The following RNF214 variants were observed in gnomAD, a reference collection of about 807,000 sequenced individuals.
RNF214 encodes ring finger protein 214.
Under a neutral mutation model 75.9 loss-of-function variants are expected in RNF214, and 25 were observed. The ratio of observed to expected loss-of-function variants is 0.33; its 90% confidence interval spans 0.24 to 0.46. The LOEUF (loss-of-function observed/expected upper bound fraction) is 0.46. RNF214 is among the 20% of genes least tolerant of loss of function. RNF214 has a pLI of 1.00. For missense variants in RNF214, 725 were observed against 857.5 expected (o/e 0.85, Z 1.93); for synonymous variants, 314 against 308.8 (o/e 1.02, Z -0.18).
chr11:117,271,139 A>G (rs1002128146), intron 6 of RNF214, among the ~76,000 whole-genome samples: 26 of 151,424 alleles, frequency 1.7e-4, no homozygotes, highest in African/African-American at 5.6e-4. Flanking sequence ...TGTTCAAGTG[A>G]TCCGCCTGCC....
chr11:117,284,966 T>C, intron 14 of RNF214, 120 bp from the exon 15 acceptor site: 1 of 693,646 alleles, frequency 1.4e-6, no homozygotes, highest in Non-Finnish European at 2.5e-6. Flanking sequence ...AAAAAGCCCC[T>C]CTTGTACCTC....
At chr11:117,249,947 G>T (rs1317363552) in intron 6 of RNF214, among the ~76,000 whole-genome samples, 2 of 152,136 alleles carry the variant, frequency 1.3e-5, no homozygotes, top group African/African-American at 2.4e-5. Flanking sequence ...CATAACAATT[G>T]TATTTCCTGT....
At position 117,282,541 on chromosome 11, in the gene RNF214, G is replaced by A. The variant is rs566566571; in HGVS notation, c.1845+5G>A. 1.2e-6 allele frequency: 2 copies of A among 1,613,676 alleles called. No homozygotes were observed. The highest frequency in any genetic ancestry group is 1.3e-5 in the African/African-American group (1 of 75,052). On this transcript the variant is annotated splice_donor_5th_base_variant and intron_variant, in intron 12 of 14. Transcript: ENST00000300650. Reference sequence around the variant, plus strand: ...CGGGTGGCAGCAAGTACTCAGGTGAGAAAAGCCACTTGGGAGAGAACTTAG... The same window carrying A: ...CGGGTGGCAGCAAGTACTCAGGTGAAAAAAGCCACTTGGGAGAGAACTTAG...
chr11:117,279,933 A>G lies in RNF214; in HGVS notation c.985A>G (p.Arg329Gly). ...AGAGGTGTGGGAAATGGAACTGGATAGACTCAAGAATCAGGATGGCGAAAT... is the reference window on the plus strand; with the variant it reads ...AGAGGTGTGGGAAATGGAACTGGATGGACTCAAGAATCAGGATGGCGAAAT... ...RREVWEMELD[R>G]LKNQDGEINR... The change falls in exon 7 of 15, where the codon AGA (arginine) becomes GGA (glycine). Residue 329 changes from arginine to glycine, a missense_variant. Arg to Gly is a moderately radical substitution (Grantham distance 125). Coordinates refer to ENST00000300650, the MANE Select transcript of RNF214 (RefSeq NM_207343.4). 1 of 1,613,052 alleles carries G rather than the reference A, an allele frequency of 6.2e-7. No homozygotes were observed. The highest frequency in any genetic ancestry group is 1.1e-5 in the South Asian group (1 of 90,688).
At chr11:117,276,439 T>C (rs1410033713) in intron 6 of RNF214, among the ~76,000 whole-genome samples, 2 of 152,048 alleles carry the variant, frequency 1.3e-5, no homozygotes, top group Non-Finnish European at 2.9e-5. Flanking sequence ...GTGGGACTCT[T>C]TCTCTCAAAA....
chr11:117,278,236 G>A lies in RNF214; in HGVS notation c.960-1672G>A, dbSNP rs537878987. Among the ~76,000 whole-genome samples the A allele has an allele frequency of 9.9e-5, 15 of 152,232 alleles. No individual in the cohort carries two copies. In the South Asian group the frequency reaches 2.9e-3, roughly 29 times the overall value. On this transcript the variant is annotated intron_variant, in intron 6 of 14. Coordinates refer to ENST00000300650, the MANE Select transcript of RNF214 (RefSeq NM_207343.4). ...GGAGAATCGCTTGAACCCAGGAGGC[G>A]GAGGATGCCATGAGCCAAGATCACG...
chr11:117,277,352 G>T (rs2050657910), intron 6 of RNF214, among the ~76,000 whole-genome samples: 1 of 152,090 alleles, frequency 6.6e-6, no homozygotes, highest in Non-Finnish European at 1.5e-5. Context: ...GTTAGATAAT[G>T]TGTTCTCTGC....
chr11:117,266,625 G>A (rs1001630524), intron 6 of RNF214, among the ~76,000 whole-genome samples: 1 of 151,954 alleles, frequency 6.6e-6, no homozygotes, highest in Admixed American at 6.6e-5. Context: ...CTCCCAAAGC[G>A]CTGGGATTAC....
chr11:117,284,872 G>A (rs1223444552), intron 14 of RNF214, among the ~76,000 whole-genome samples: 1 of 152,210 alleles, frequency 6.6e-6, no homozygotes, highest in Admixed American at 6.5e-5. Context: ...AGAGGTTCCA[G>A]TGAGCTGAGA....
At chr11:117,281,196 ACTCCTGAG>A (rs1182362117) in intron 8 of RNF214, 110 bp from the exon 9 acceptor site, 5 of 691,088 alleles carry the variant, frequency 7.2e-6, no homozygotes, top group African/African-American at 1.8e-5. Context: ...CTGGTCTAGA[ACTCCTGAG>A]CTCAAGTGAT....
At chr11:117,245,513 G>A (rs1384828697) in intron 5 of RNF214, among the ~76,000 whole-genome samples, 1 of 151,324 alleles carries the variant, frequency 6.6e-6, no homozygotes, top group East Asian at 2.0e-4. Flanking sequence ...CTAATTTTTT[G>A]TATTTTTTTT....
intron 1 of RNF214, among the ~76,000 whole-genome samples, chr11:117,233,247 G>C (rs756202406): frequency 2.0e-5 from 3 of 152,156 alleles, no homozygotes; most frequent in Non-Finnish European, 4.4e-5. Flanking sequence ...CCAGCCCTGG[G>C]CTATGTTGGA....
chr11:117,236,065 A>G (rs1180767962), intron 2 of RNF214, among the ~76,000 whole-genome samples: 2 of 150,936 alleles, frequency 1.3e-5, no homozygotes, highest in East Asian at 3.9e-4. Context: ...GGTTCAAGTG[A>G]TTCTCCTGCC....
intron 6 of RNF214, among the ~76,000 whole-genome samples, chr11:117,273,134 AATTG>A (rs1279910012): frequency 6.6e-6 from 1 of 152,090 alleles, no homozygotes; most frequent in Non-Finnish European, 1.5e-5. Context: ...TGCTATATTT[AATTG>A]ATTGCAATAT....
chr11:117,255,217 A>G (rs375299904), intron 6 of RNF214, among the ~76,000 whole-genome samples: 9 of 152,322 alleles, frequency 5.9e-5, no homozygotes, highest in African/African-American at 2.2e-4. Context: ...GGTGTCATCA[A>G]TGGAAACTTC....
At chr11:117,247,880 A>AG (rs2033270411) in intron 6 of RNF214, among the ~76,000 whole-genome samples, 1 of 151,814 alleles carries the variant, frequency 6.6e-6, no homozygotes, top group South Asian at 2.1e-4. Flanking sequence ...AACAAAACAA[A>AG]AAAAAACAAA....
intron 14 of RNF214, among the ~76,000 whole-genome samples, chr11:117,284,449 G>C (rs2034199752): frequency 6.6e-6 from 1 of 152,162 alleles, no homozygotes; most frequent in South Asian, 2.1e-4. Context: ...TAAGATTTGA[G>C]GGTGTCAGGT....
chr11:117,266,974 A>AG (rs1481180189), intron 6 of RNF214, among the ~76,000 whole-genome samples: 1 of 65,120 alleles, frequency 1.5e-5, no homozygotes, highest in African/African-American at 5.7e-5. Context: ...CCTGCCTCAC[A>AG]AAAAAAAAAA....
Position 117,273,416 on chromosome 11 carries a change from T to C in RNF214, c.960-6492T>C, listed in dbSNP as rs115923710. On this transcript the variant is annotated intron_variant, in intron 6 of 14. Transcript: ENST00000300650. ...TCCTGGCAAGCTGTGAAGTTTTTTA[T>C]ACTAGTACATTAAAATCTATTTGTT... Among the ~76,000 whole-genome samples the C allele has an allele frequency of 6.0e-3, 921 of 152,258 alleles. 7 individuals carry two copies. The highest frequency in any genetic ancestry group is 0.021 in the African/African-American group (853 of 41,556).
Sources: allele counts gnomAD v4.1 joint callset (sites outside exome capture counted in the v4.1 genomes callset), GRCh38; gene constraint gnomAD v4.1.1; transcripts MANE v1.5; gene names NCBI Gene and HGNC (gene_info 2026-07-23, HGNC 2026-07-21).